Variants in NIBAN2 observed in about 807,000 individuals in gnomAD.
NIBAN2 encodes the protein protein Niban 2.
A neutral mutation model predicts 81.8 loss-of-function variants in NIBAN2; 36 were observed. That is an observed-to-expected ratio of 0.44 (90% CI 0.34 to 0.58). The LOEUF is 0.58. Ranked by LOEUF, NIBAN2 falls within the 20% of genes least tolerant of loss-of-function variation. The probability of loss-of-function intolerance (pLI) is 0.02; values close to 1 mark genes in which losing one functional copy is unlikely to be tolerated. For synonymous variants in NIBAN2, 445 were observed against 441.6 expected (o/e 1.01, Z -0.10); for missense variants, 897 against 1,014.1 (o/e 0.88, Z 1.57).
Position 127,509,610 on chromosome 9 carries a change from G to A in NIBAN2, c.1162-479C>T, listed in dbSNP as rs148079966. Among the ~76,000 whole-genome samples the A allele has an allele frequency of 5.9e-5, 9 of 152,196 alleles. No individual in the cohort carries two copies. The South Asian group carries it at 8.3e-4, about 14-fold the overall frequency. On this transcript the variant is annotated intron_variant, in intron 9 of 13. Coordinates refer to ENST00000373312, the MANE Select transcript of NIBAN2 (RefSeq NM_022833.4). ...TCAATCTGACAACTATGCGGGCTCCGGGCAGCCAGCCCAAGATGGAGACTG... is the reference window on the plus strand; with the variant it reads ...TCAATCTGACAACTATGCGGGCTCCAGGCAGCCAGCCCAAGATGGAGACTG...
chr9:127,564,558 C>T (rs1367298825), intron 1 of NIBAN2, among the ~76,000 whole-genome samples: 2 of 152,114 alleles, frequency 1.3e-5, no homozygotes, highest in African/African-American at 2.4e-5. Flanking sequence ...AAAAATCAAA[C>T]CACAGAAGCA....
At chr9:127,576,596 A>G (rs2132249840) in intron 1 of NIBAN2, among the ~76,000 whole-genome samples, 1 of 152,218 alleles carries the variant, frequency 6.6e-6, no homozygotes, top group Middle Eastern at 3.4e-3. Flanking sequence ...GAGAAAACTG[A>G]GGCTTCATGA....
chr9:127,577,590 C>A, intron 1 of NIBAN2, among the ~76,000 whole-genome samples: 1 of 150,796 alleles, frequency 6.6e-6, no homozygotes, highest in African/African-American at 2.4e-5. Context: ...AGATCCAATA[C>A]CCCACGCTTC....
rs1217706445 is a variant in NIBAN2, at chr9:127,517,082, T to A, written c.810+30A>T. On this transcript the variant is annotated intron_variant, in intron 7 of 13. Transcript: ENST00000373312. This position sits in a 1 kb window ranked among gnomAD's most constrained non-coding sequence, Gnocchi z 4.0. ...GGCACCGCACCAGCTGCAGGTCCCGTCCCCGCTCCAGGGCCCCAGGCCCAC... is the reference window on the plus strand; with the variant it reads ...GGCACCGCACCAGCTGCAGGTCCCGACCCCGCTCCAGGGCCCCAGGCCCAC... The A allele has an allele frequency of 1.9e-6, 3 of 1,610,988 alleles. No individual in the cohort carries two copies. The highest frequency in any genetic ancestry group is 2.7e-5 in the African/African-American group (2 of 74,840).
At chr9:127,552,691 T>TTTG (rs1837599601) in intron 1 of NIBAN2, among the ~76,000 whole-genome samples, 1 of 140,118 alleles carries the variant, frequency 7.1e-6, no homozygotes, top group Admixed American at 7.0e-5. Flanking sequence ...TTCGTTTTTT[T>TTTG]TTTTTTTTTT....
chr9:127,522,627 G>A (rs1004424992), intron 5 of NIBAN2, among the ~76,000 whole-genome samples: 2 of 151,760 alleles, frequency 1.3e-5, no homozygotes, highest in African/African-American at 2.4e-5. Context: ...TCAGGGCCTC[G>A]TGCAGTTCCT....
rs11545940 is a variant in NIBAN2 at position 127,506,077 on chromosome 9, G to C, written c.*768C>G. On this transcript the variant is annotated 3_prime_UTR_variant, in exon 14 of 14. Coordinates refer to ENST00000373312, the MANE Select transcript of NIBAN2 (RefSeq NM_022833.4). Reference sequence around the variant, plus strand: ...GCAGGAGGGAGGCAGGCTGGGGCCGGGAGAAGGGGATACACAGGCCCATAA... The same window carrying C: ...GCAGGAGGGAGGCAGGCTGGGGCCGCGAGAAGGGGATACACAGGCCCATAA... 4,051 of 153,002 alleles carry C rather than the reference G, an allele frequency of 0.026. 97 individuals carry two copies. The highest frequency in any genetic ancestry group is 0.039 in the Non-Finnish European group (2,647 of 68,648). The allele number at this position is 153,002 out of a possible 1,614,324, so 9.5% of individuals were successfully genotyped here.
At chr9:127,549,970 C>T (rs774811316) in intron 1 of NIBAN2, among the ~76,000 whole-genome samples, 6 of 152,128 alleles carry the variant, frequency 3.9e-5, no homozygotes, top group Admixed American at 6.5e-5. Context: ...CCCATTTGTG[C>T]GCCCTGAGAG....
intron 1 of NIBAN2, chr9:127,578,892 G>A (rs1588199329): frequency 6.2e-7 from 1 of 1,604,504 alleles, no homozygotes; most frequent in Non-Finnish European, 8.5e-7. Flanking sequence ...CGTGTGCCTT[G>A]TGTCCTGGGG....
chr9:127,505,468 AG>A lies in NIBAN2; in HGVS notation c.*1376del, dbSNP rs1422262740. On this transcript the variant is annotated 3_prime_UTR_variant, in exon 14 of 14. Transcript: ENST00000373312. ...TAGAGGCGCAGATCTTCGGGACAAG[AG>A]GGAAGAGATGCGCCAGAGACCAGGG... is the stretch of plus-strand genomic sequence containing the variant. 1.3e-5 allele frequency: 2 copies of A among 152,698 alleles called. No homozygotes were observed. The highest frequency in any genetic ancestry group is 2.4e-5 in the African/African-American group (1 of 41,466). The allele number at this position is 152,698 out of a possible 1,614,324, so 9.5% of individuals were successfully genotyped here.
intron 1 of NIBAN2, among the ~76,000 whole-genome samples, chr9:127,541,992 GC>G (rs1342772492): frequency 6.6e-6 from 1 of 151,978 alleles, no homozygotes; most frequent in African/African-American, 2.4e-5. Context: ...TCTAGTCACT[GC>G]CCCCCAGCCA....
intron 1 of NIBAN2, among the ~76,000 whole-genome samples, chr9:127,535,602 C>T (rs1483962840): frequency 6.6e-6 from 1 of 152,150 alleles, no homozygotes; most frequent in African/African-American, 2.4e-5. Flanking sequence ...AGGCCTAGGG[C>T]CTCGGGCTGA....
At chr9:127,546,492 G>A (rs775426148) in intron 1 of NIBAN2, among the ~76,000 whole-genome samples, 16 of 152,182 alleles carry the variant, frequency 1.1e-4, no homozygotes, top group Non-Finnish European at 1.6e-4. Context: ...CCAGCCTGGT[G>A]TTGGACCTTG....
At chr9:127,547,697 T>G (rs964423830) in intron 1 of NIBAN2, among the ~76,000 whole-genome samples, 1 of 148,644 alleles carries the variant, frequency 6.7e-6, no homozygotes, top group Non-Finnish European at 1.5e-5. Context: ...AGTAGCCAGG[T>G]GTGGTGGCGC....
chr9:127,573,449 C>CCTTT (rs35326378), upstream of NIBAN2, among the ~76,000 whole-genome samples: 7 of 146,202 alleles, frequency 4.8e-5, no homozygotes, highest in Admixed American at 2.1e-4. Context: ...GTTATTTGCC[C>CCTTT]TTTTTTTTTT....
chr9:127,532,586 G>A (rs192466751), intron 1 of NIBAN2, among the ~76,000 whole-genome samples: 98 of 152,078 alleles, frequency 6.4e-4, no homozygotes, highest in African/African-American at 2.3e-3. Context: ...CAGCCTGGGC[G>A]ACAGAGCGAG....
intron 2 of NIBAN2, among the ~76,000 whole-genome samples, chr9:127,529,028 G>T (rs529879942): frequency 6.6e-6 from 1 of 152,244 alleles, no homozygotes; most frequent in Non-Finnish European, 1.5e-5. Flanking sequence ...CTGGCTGTGG[G>T]TTTGGGTTTT....
At chr9:127,573,461 T>C (rs1837972315), upstream of NIBAN2, among the ~76,000 whole-genome samples, 1 of 151,320 alleles carries the variant, frequency 6.6e-6, no homozygotes, top group Admixed American at 6.6e-5. Context: ...TTTTTTTTTT[T>C]CAAGGAAAGA....
Position 127,563,526 on chromosome 9 carries a change from ATTT to A in NIBAN2, c.55+5291_55+5293del, listed in dbSNP as rs576435438. 6.8e-6 allele frequency among the ~76,000 whole-genome samples: 1 copy of A among 146,426 alleles called. No individual in the cohort carries two copies. The highest frequency in any genetic ancestry group is 2.5e-5 in the African/African-American group (1 of 39,882). ...CCACTTCCCAAATGTTGAGAGGTAG[ATTT>A]TTTTTTTTTTTGAGACAGAGTCTCA... On this transcript the variant is annotated intron_variant, in intron 1 of 13. Coordinates refer to ENST00000373312, the MANE Select transcript of NIBAN2 (RefSeq NM_022833.4). This position sits in a 1 kb window ranked among gnomAD's most constrained non-coding sequence, Gnocchi z 4.1.
Sources: allele counts gnomAD v4.1 joint callset (sites outside exome capture counted in the v4.1 genomes callset), GRCh38; gene constraint gnomAD v4.1.1; non-coding constraint Gnocchi (gnomAD v3.1); transcripts MANE v1.5; gene names NCBI Gene and HGNC (gene_info 2026-07-23, HGNC 2026-07-21).